Variants in RAD51B observed in about 807,000 individuals in gnomAD.
RAD51B encodes RAD51 paralog B.
A neutral mutation model predicts 42.2 loss-of-function variants in RAD51B; 38 were observed. The observed-to-expected ratio is 0.90, with a 90% confidence interval of 0.70 to 1.18. RAD51B has a LOEUF of 1.18. Among genes scored for constraint, RAD51B ranks in the 50% most tolerant of loss-of-function variants. The probability of loss-of-function intolerance (pLI) is 0.00; values close to 1 mark genes in which losing one functional copy is unlikely to be tolerated. For synonymous variants in RAD51B, 154 were observed against 145.2 expected, an observed-to-expected ratio of 1.06 and a Z score of -0.43; for missense variants, 373 against 400.7, an observed-to-expected ratio of 0.93 and a Z score of 0.59.
chr14:68,662,331 A>G (rs1481700907), intron 11 of RAD51B, among the ~76,000 whole-genome samples: 1 of 152,178 alleles, frequency 6.6e-6, no homozygotes, highest in African/African-American at 2.4e-5. Context: ...CATTAATCCT[A>G]TTATATTTCA....
chr14:68,628,135 T>C (rs1276676118), intron 10 of RAD51B, among the ~76,000 whole-genome samples: 1 of 152,272 alleles, frequency 6.6e-6, no homozygotes, highest in Non-Finnish European at 1.5e-5. Context: ...TCTTGGTTTT[T>C]ACATGACCCA....
chr14:68,508,162 G>T (rs1885473045), intron 10 of RAD51B, among the ~76,000 whole-genome samples: 1 of 152,168 alleles, frequency 6.6e-6, no homozygotes, highest in Non-Finnish European at 1.5e-5. Flanking sequence ...CTGGTCCAGT[G>T]CAGGGCTCCA....
intron 9 of RAD51B, among the ~76,000 whole-genome samples, chr14:68,446,052 C>T: frequency 6.6e-6 from 1 of 152,214 alleles, no homozygotes; most frequent in East Asian, 1.9e-4. Flanking sequence ...CTACTGTATC[C>T]TCTGTGCTTT....
At chr14:68,376,974 G>A (rs953848884) in intron 8 of RAD51B, among the ~76,000 whole-genome samples, 1 of 152,126 alleles carries the variant, frequency 6.6e-6, no homozygotes, top group Admixed American at 6.5e-5. Context: ...ATGTACCCAG[G>A]GAAATTGCAG....
intron 7 of RAD51B, among the ~76,000 whole-genome samples, chr14:68,157,185 A>G (rs1343315943): frequency 6.6e-6 from 1 of 152,216 alleles, no homozygotes; most frequent in African/African-American, 2.4e-5. Flanking sequence ...TGACAGAGCA[A>G]GAGCCTATCT....
intron 7 of RAD51B, among the ~76,000 whole-genome samples, chr14:67,942,201 T>G (rs1054487771): frequency 1.3e-5 from 2 of 152,178 alleles, no homozygotes; most frequent in African/African-American, 2.4e-5. Flanking sequence ...AAGAATCAGT[T>G]AAATATGAGG....
chr14:68,455,334 G>C (rs1396648875), intron 9 of RAD51B, among the ~76,000 whole-genome samples: 1 of 152,084 alleles, frequency 6.6e-6, no homozygotes, highest in African/African-American at 2.4e-5. Context: ...CAAAATATAA[G>C]AGAAACACCT....
intron 4 of RAD51B, among the ~76,000 whole-genome samples, chr14:67,851,945 A>G (rs567385729): frequency 2.4e-4 from 37 of 152,172 alleles, no homozygotes; most frequent in African/African-American, 8.2e-4. Flanking sequence ...GAGAGCAAAG[A>G]GTCTGGCCAC....
chr14:68,207,440 A>G (rs1017199142), intron 7 of RAD51B, among the ~76,000 whole-genome samples: 31 of 152,214 alleles, frequency 2.0e-4, no homozygotes, highest in African/African-American at 7.5e-4. Flanking sequence ...TAGAAAATCG[A>G]AATTCACATG....
chr14:68,436,804 T>C (rs2085158563), intron 9 of RAD51B, among the ~76,000 whole-genome samples: 1 of 152,166 alleles, frequency 6.6e-6, no homozygotes, highest in Admixed American at 6.6e-5. Context: ...GTGTTCTTGA[T>C]TTGGCTCTGA....
chr14:68,462,241 G>T (rs1206143013), intron 9 of RAD51B, among the ~76,000 whole-genome samples: 1 of 152,224 alleles, frequency 6.6e-6, no homozygotes, highest in Non-Finnish European at 1.5e-5. Context: ...GCCCTAGAGT[G>T]AGGAGCACGT....
At chr14:67,952,489 G>T (rs2074472228) in intron 7 of RAD51B, among the ~76,000 whole-genome samples, 1 of 152,122 alleles carries the variant, frequency 6.6e-6, no homozygotes, top group Non-Finnish European at 1.5e-5. Context: ...ACATATCATT[G>T]CAATAGATGT....
chr14:68,285,805 T>C (rs1472193201), intron 7 of RAD51B, among the ~76,000 whole-genome samples: 1 of 152,144 alleles, frequency 6.6e-6, no homozygotes, highest in Non-Finnish European at 1.5e-5. Flanking sequence ...ATGAGTTCCA[T>C]GAAAAATTTA....
rs1423419806 is a variant in RAD51B, at chr14:68,305,050, A to G, written c.853+13070A>G. ...ATAGTGCTACTATATAAAGTTATATAAAACACACCAGAAATAGAATTTTTA... is the reference window on the plus strand; with the variant it reads ...ATAGTGCTACTATATAAAGTTATATGAAACACACCAGAAATAGAATTTTTA... On this transcript the variant is annotated intron_variant, in intron 8 of 10. Coordinates refer to ENST00000471583, the MANE Select transcript of RAD51B (RefSeq NM_133510.4). 6.6e-5 allele frequency among the ~76,000 whole-genome samples: 10 copies of G among 152,270 alleles called. 1 individual carries two copies. The highest frequency in any genetic ancestry group is 3.9e-4 in the Admixed American group (6 of 15,290).
chr14:68,463,745 T>C (rs1421011970), intron 9 of RAD51B, among the ~76,000 whole-genome samples: 1 of 152,232 alleles, frequency 6.6e-6, no homozygotes, highest in Non-Finnish European at 1.5e-5. Flanking sequence ...GATGTTTGCA[T>C]TGAAGTGTTT....
intron 8 of RAD51B, among the ~76,000 whole-genome samples, chr14:68,342,690 C>A (rs1038927623): frequency 1.1e-4 from 16 of 151,478 alleles, no homozygotes; most frequent in Non-Finnish European, 1.8e-4. Flanking sequence ...AGTAGAAAGG[C>A]GCAGAAAGGT....
At chr14:67,867,343 A>G (rs768791767) in intron 5 of RAD51B, among the ~76,000 whole-genome samples, 22 of 152,334 alleles carry the variant, frequency 1.4e-4, no homozygotes, top group Non-Finnish European at 2.4e-4. Context: ...TCTCTCATAT[A>G]ACAAGACCTG....
At chr14:68,038,095 C>G (rs1182870774) in intron 7 of RAD51B, among the ~76,000 whole-genome samples, 1 of 152,192 alleles carries the variant, frequency 6.6e-6, no homozygotes, top group African/African-American at 2.4e-5. Context: ...TATTATTTGA[C>G]ATCATAAATG....
chr14:68,405,829 C>CAA lies in RAD51B; in HGVS notation c.854-5573_854-5572dup, dbSNP rs10547910. ...CCGAGAAACTCCTACAGTTTATCAC[C>CAA]AAAAAAAAAAAAAAAAAAAAAAAGT... On this transcript the variant is annotated intron_variant, in intron 8 of 10. Transcript: ENST00000471583. Among the ~76,000 whole-genome samples, 301 of 71,452 alleles carry CAA rather than the reference C, an allele frequency of 4.2e-3. 2 individuals carry two copies. The highest frequency in any genetic ancestry group is 0.012 in the African/African-American group (265 of 21,996). The allele number at this position is 71,452 out of a possible 152,430, so 46.9% of individuals were successfully genotyped here. A position where few individuals can be genotyped will look rare whatever the true frequency, so the allele number is the denominator to read the frequency against.
Sources: allele counts gnomAD v4.1 joint callset (sites outside exome capture counted in the v4.1 genomes callset), GRCh38; gene constraint gnomAD v4.1.1; transcripts MANE v1.5; gene names NCBI Gene and HGNC (gene_info 2026-07-23, HGNC 2026-07-21).